The following SLC37A3 variants were observed in gnomAD, a reference collection of about 807,000 sequenced individuals.
SLC37A3 encodes solute carrier family 37 member 3.
SLC37A3 carries 51 observed loss-of-function variants against 67.1 expected under a neutral mutation model. The observed-to-expected ratio is 0.76, with a 90% CI of 0.61 to 0.96. The LOEUF (loss-of-function observed/expected upper bound fraction) is 0.96. Ranked by LOEUF, SLC37A3 falls within the 40% of genes least tolerant of loss-of-function variation. The probability of loss-of-function intolerance (pLI) is 0.00; values close to 1 mark genes in which losing one functional copy is unlikely to be tolerated. For synonymous variants in SLC37A3, 214 were observed against 231.4 expected (o/e 0.92, Z 0.68); for missense variants, 508 against 603.0 (o/e 0.84, Z 1.65).
At chr7:140,383,198 TAA>T (rs199833888) in intron 1 of SLC37A3, among the ~76,000 whole-genome samples, 24 of 141,756 alleles carry the variant, frequency 1.7e-4, no homozygotes, top group Non-Finnish European at 1.5e-4. Context: ...TGCTTTCACT[TAA>T]AAAAAAAAAA....
chr7:140,365,423 TAAA>T (rs571885025), intron 4 of SLC37A3, among the ~76,000 whole-genome samples: 3 of 143,792 alleles, frequency 2.1e-5, no homozygotes, highest in African/African-American at 7.6e-5. Flanking sequence ...AACCCATCTC[TAAA>T]AAAAAAAAAA....
intron 1 of SLC37A3, among the ~76,000 whole-genome samples, chr7:140,386,175 G>A (rs1372337474): frequency 1.3e-5 from 2 of 151,996 alleles, no homozygotes; most frequent in Non-Finnish European, 2.9e-5. Context: ...CTGCAGCCTT[G>A]ACCTCTCAGG....
At chr7:140,340,344 T>C (rs564344403) in intron 13 of SLC37A3, among the ~76,000 whole-genome samples, 69 of 152,054 alleles carry the variant, frequency 4.5e-4, no homozygotes, top group African/African-American at 1.6e-3. Flanking sequence ...ACTTCATTCT[T>C]TTCACGTGGA....
At chr7:140,396,923 C>T (rs1489598258) in intron 1 of SLC37A3, among the ~76,000 whole-genome samples, 1 of 141,340 alleles carries the variant, frequency 7.1e-6, no homozygotes, top group Admixed American at 7.5e-5. Context: ...AGTCTGAGGC[C>T]GGGCGCAGTG....
At chr7:140,371,101 C>G (rs1392864452) in intron 3 of SLC37A3, among the ~76,000 whole-genome samples, 1 of 152,226 alleles carries the variant, frequency 6.6e-6, no homozygotes, top group East Asian at 1.9e-4. Flanking sequence ...CCATTCACGA[C>G]AAAGCAGCTG....
chr7:140,357,715 C>T (rs1238274608), intron 6 of SLC37A3, among the ~76,000 whole-genome samples: 3 of 151,768 alleles, frequency 2.0e-5, no homozygotes, highest in Non-Finnish European at 2.9e-5. Context: ...GTCAGGAGAT[C>T]GAGACCAGCC....
chr7:140,350,804 G>A (rs1796762386), intron 9 of SLC37A3, among the ~76,000 whole-genome samples: 1 of 152,072 alleles, frequency 6.6e-6, no homozygotes, highest in Non-Finnish European at 1.5e-5. Context: ...AGGGGGCAAG[G>A]CAGACTTAGG....
At position 140,355,678 on chromosome 7, in the gene SLC37A3, T is replaced by C. The variant is rs145259652; in HGVS notation, c.608A>G (p.Tyr203Cys). Residue 203 changes from tyrosine (Y) to cysteine (C), a missense_variant, in exon 7 of 15, where the codon TAT becomes TGT. Physicochemically the swap from Tyr to Cys is radical, Grantham distance 194. Coordinates refer to ENST00000326232, the MANE Select transcript of SLC37A3 (RefSeq NM_207113.3). ...GACLASSVLQ[Y>C]GYEYAFLVTA... ...GAAAACAATACCTACCTCATAACCA[T>C]ACTGAAGAACAGAAGAAGCTAGGCA... 4.2e-5 allele frequency: 67 copies of C among 1,613,390 alleles called. No homozygotes were observed. Among genetic ancestry groups the C allele is most frequent in the Non-Finnish European group, 5.3e-5 (62 of 1,179,760 alleles).
chr7:140,347,901 C>A (rs1210215852), intron 10 of SLC37A3, among the ~76,000 whole-genome samples: 1 of 152,188 alleles, frequency 6.6e-6, no homozygotes, highest in African/African-American at 2.4e-5. Context: ...TTATCCTCAG[C>A]AGATATGTTC....
intron 3 of SLC37A3, among the ~76,000 whole-genome samples, chr7:140,371,009 C>T (rs374208062): frequency 3.9e-5 from 6 of 152,220 alleles, no homozygotes; most frequent in African/African-American, 1.4e-4. Flanking sequence ...ATCCACCAGT[C>T]TAAAATCAGG....
At chr7:140,388,432 CA>C (rs898486715) in intron 1 of SLC37A3, among the ~76,000 whole-genome samples, 1 of 142,274 alleles carries the variant, frequency 7.0e-6, no homozygotes, top group Non-Finnish European at 1.5e-5. Context: ...GACCCTGTAC[CA>C]AAAAAAAGAG....
At chr7:140,376,085 TTAC>T (rs1798020559) in intron 3 of SLC37A3, among the ~76,000 whole-genome samples, 2 of 144,282 alleles carry the variant, frequency 1.4e-5, no homozygotes, top group African/African-American at 5.6e-5. Context: ...CTCCAAGAAG[TTAC>T]CAAAAACTCC....
intron 9 of SLC37A3, 28 bp from the exon 10 acceptor site, chr7:140,348,795 G>A (rs772957082): frequency 4.5e-5 from 73 of 1,609,354 alleles, no homozygotes; most frequent in Non-Finnish European, 5.7e-5. Context: ...AACTATCAGC[G>A]AGGGACAAAT....
intron 9 of SLC37A3, among the ~76,000 whole-genome samples, chr7:140,349,405 T>C (rs190150454): frequency 1.3e-5 from 2 of 152,230 alleles, no homozygotes; most frequent in Admixed American, 1.3e-4. Flanking sequence ...AAAGAACATG[T>C]CATCATCGGC....
At chr7:140,369,962 T>A (rs1797755761) in intron 3 of SLC37A3, among the ~76,000 whole-genome samples, 1 of 151,852 alleles carries the variant, frequency 6.6e-6, no homozygotes, top group African/African-American at 2.4e-5. Context: ...AATACAAAAT[T>A]AGCCAGGCAT....
At chr7:140,345,581 C>T (rs1026334351) in intron 11 of SLC37A3, among the ~76,000 whole-genome samples, 1 of 152,134 alleles carries the variant, frequency 6.6e-6, no homozygotes, top group South Asian at 2.1e-4. Context: ...GTTTTATTGG[C>T]TATAATGCTG....
At chr7:140,347,176 A>G (rs1362748646) in intron 10 of SLC37A3, among the ~76,000 whole-genome samples, 1 of 150,152 alleles carries the variant, frequency 6.7e-6, no homozygotes, top group Non-Finnish European at 1.5e-5. Context: ...GCTTGAGCCC[A>G]GGAGGTTGTG....
intron 8 of SLC37A3, 73 bp from the exon 9 acceptor site, chr7:140,351,524 T>C: frequency 7.1e-7 from 1 of 1,413,110 alleles, no homozygotes; most frequent in Non-Finnish European, 9.6e-7. Flanking sequence ...CATCCCTACT[T>C]ATGAGGTGAT....
rs545979829 is a variant in SLC37A3 at position 140,355,625 on chromosome 7, C to CAGAGAG, written c.618+37_618+42dup. ...ATAAAAAGCAATACACATGTGCACACAGAGAGAGAGAGAGAGCACCAGAGC... is the reference window on the plus strand; with the variant it reads ...ATAAAAAGCAATACACATGTGCACACAGAGAGAGAGAGAGAGAGAGAGCACCAGAGC... On this transcript the variant is annotated intron_variant, in intron 7 of 14. Coordinates refer to ENST00000326232, the MANE Select transcript of SLC37A3 (RefSeq NM_207113.3). 63 of 1,426,378 alleles carry CAGAGAG rather than the reference C, an allele frequency of 4.4e-5. No homozygotes were observed. In the Middle Eastern group the frequency reaches 7.3e-4, roughly 16 times the overall value. The allele number at this position is 1,426,378 out of a possible 1,614,324, so 88.4% of individuals were successfully genotyped here. A position where few individuals can be genotyped will look rare whatever the true frequency, so the allele number is the denominator to read the frequency against.
Sources: gnomAD v4.1 joint callset for allele counts (sites outside exome capture counted in the v4.1 genomes callset) on GRCh38, gnomAD v4.1.1 for gene constraint, MANE v1.5 for transcripts, NCBI Gene and HGNC (gene_info 2026-07-23, HGNC 2026-07-21) for gene names.